RTN4: variants seen among roughly 807,000 people sequenced by gnomAD.
RTN4 encodes the protein reticulon 4.
Under a neutral mutation model 90.4 loss-of-function variants are expected in RTN4, and 32 were observed. That is an observed-to-expected ratio of 0.35 (90% CI 0.27 to 0.48). The LOEUF is 0.48. RTN4 is among the 20% of genes least tolerant of loss of function. The pLI is 0.99. For synonymous variants in RTN4, 629 were observed against 552.5 expected, an observed-to-expected ratio of 1.14 and a Z score of -1.94; for missense variants, 1,706 against 1,430.2, an observed-to-expected ratio of 1.19 and a Z score of -3.11.
intron 1 of RTN4, among the ~76,000 whole-genome samples, chr2:55,099,319 G>T (rs1427287570): frequency 6.6e-6 from 1 of 152,068 alleles, no homozygotes; most frequent in Non-Finnish European, 1.5e-5. Context: ...ACATATTTGA[G>T]ATGTTTCAAT....
At chr2:55,076,317 C>A (rs977926439) in intron 2 of RTN4, among the ~76,000 whole-genome samples, 1 of 147,524 alleles carries the variant, frequency 6.8e-6, no homozygotes, top group African/African-American at 2.5e-5. Flanking sequence ...AAATGGCCAA[C>A]AAACATGAAA....
intron 1 of RTN4, among the ~76,000 whole-genome samples, chr2:55,091,172 G>A (rs1156557716): frequency 5.9e-5 from 9 of 152,198 alleles, no homozygotes; most frequent in East Asian, 3.9e-4. Flanking sequence ...TGTATAAATC[G>A]GACAGTATGG....
intron 1 of RTN4, among the ~76,000 whole-genome samples, chr2:55,098,091 T>A (rs1667780801): frequency 6.6e-6 from 1 of 152,126 alleles, no homozygotes; most frequent in African/African-American, 2.4e-5. Context: ...GCTACGGTAT[T>A]TCTTTGTACT....
intron 2 of RTN4, among the ~76,000 whole-genome samples, chr2:55,074,414 G>A (rs1668565746): frequency 6.6e-6 from 1 of 150,814 alleles, no homozygotes; most frequent in African/African-American, 2.4e-5. Context: ...GAGGCAGGAG[G>A]ACTGCTTGAG....
intron 2 of RTN4, among the ~76,000 whole-genome samples, chr2:55,074,636 T>C (rs1469694900): frequency 1.3e-5 from 2 of 151,626 alleles, no homozygotes; most frequent in East Asian, 3.9e-4. Context: ...GAAAGAAAAC[T>C]GCAGACCAAT....
At chr2:55,081,393 C>T (rs888494784) in intron 1 of RTN4, among the ~76,000 whole-genome samples, 2 of 151,954 alleles carry the variant, frequency 1.3e-5, no homozygotes, top group African/African-American at 2.4e-5. Context: ...CTCTTTTAAG[C>T]TACTACACAC....
intron 3 of RTN4, among the ~76,000 whole-genome samples, chr2:55,021,164 A>T (rs1418107572): frequency 6.6e-6 from 1 of 152,222 alleles, no homozygotes; most frequent in Non-Finnish European, 1.5e-5. Flanking sequence ...CTTTTAAGTC[A>T]TCTGAGAAGA....
At chr2:55,095,347 A>T (rs556480554) in intron 1 of RTN4, among the ~76,000 whole-genome samples, 44 of 152,164 alleles carry the variant, frequency 2.9e-4, no homozygotes, top group Non-Finnish European at 6.2e-4. Context: ...CAGACAAAAA[A>T]ACCCAAATAT....
intron 3 of RTN4, among the ~76,000 whole-genome samples, chr2:54,999,403 T>C (rs17046573): frequency 0.016 from 2,388 of 152,242 alleles, 59 homozygotes; most frequent in African/African-American, 0.055. Flanking sequence ...TCAAATCAAA[T>C]TCTTACATTC....
At chr2:55,028,102 AAC>A in intron 2 of RTN4, 60 bp downstream of exon 2, 1 of 1,399,692 alleles carries the variant, frequency 7.1e-7, no homozygotes, top group Non-Finnish European at 1.0e-6. Flanking sequence ...GCATAGTGTT[AAC>A]ACACTAAAGA....
intron 4 of RTN4, among the ~76,000 whole-genome samples, chr2:54,984,514 T>G (rs1678394783): frequency 6.6e-6 from 1 of 152,238 alleles, no homozygotes; most frequent in Non-Finnish European, 1.5e-5. Context: ...TTCTGCTTCT[T>G]TGTACCACTG....
At chr2:55,062,060 C>G (rs1668305793) in intron 2 of RTN4, among the ~76,000 whole-genome samples, 1 of 145,960 alleles carries the variant, frequency 6.9e-6, no homozygotes, top group Non-Finnish European at 1.5e-5. Flanking sequence ...CAGGCACTGG[C>G]ACGCCGGCAG....
At chr2:55,064,117 G>A (rs916076955) in intron 2 of RTN4, among the ~76,000 whole-genome samples, 4 of 150,840 alleles carry the variant, frequency 2.7e-5, no homozygotes, top group Non-Finnish European at 4.4e-5. Flanking sequence ...AGTGCCTCAG[G>A]AGGCTGAGGC....
upstream of RTN4, among the ~76,000 whole-genome samples, chr2:55,054,442 G>C (rs2104994492): frequency 6.6e-6 from 1 of 152,328 alleles, no homozygotes; most frequent in South Asian, 2.1e-4. Flanking sequence ...TTTTCAGTAA[G>C]AGACCTATTA....
intron 1 of RTN4, among the ~76,000 whole-genome samples, chr2:55,098,807 T>C (rs190127454): frequency 1.4e-4 from 21 of 152,276 alleles, no homozygotes; most frequent in Admixed American, 1.2e-3. Context: ...AGGTCATTTG[T>C]TCCGTAGAGT....
At chr2:55,075,351 A>C (rs1027671094) in intron 2 of RTN4, among the ~76,000 whole-genome samples, 4 of 152,228 alleles carry the variant, frequency 2.6e-5, no homozygotes, top group Non-Finnish European at 4.4e-5. Context: ...AAAACAAAAC[A>C]AAACCTTAGG....
intron 2 of RTN4, among the ~76,000 whole-genome samples, chr2:55,078,237 T>A (rs1053299369): frequency 6.6e-6 from 1 of 152,170 alleles, no homozygotes; most frequent in Non-Finnish European, 1.5e-5. Flanking sequence ...CATATTATTT[T>A]TATTTTTTTA....
intron 4 of RTN4, among the ~76,000 whole-genome samples, chr2:54,987,157 A>G (rs1245122882): frequency 6.6e-6 from 1 of 152,236 alleles, no homozygotes; most frequent in East Asian, 1.9e-4. Context: ...GACAGCATAA[A>G]AAGCAATAAA....
chr2:55,098,233 G>C (rs905378501), intron 1 of RTN4, among the ~76,000 whole-genome samples: 1 of 152,062 alleles, frequency 6.6e-6, no homozygotes, highest in Non-Finnish European at 1.5e-5. Context: ...AAATGTTTGT[G>C]GTCTTGTGGT....
Sources: gnomAD v4.1 joint callset for allele counts (sites outside exome capture counted in the v4.1 genomes callset) on GRCh38, gnomAD v4.1.1 for gene constraint, MANE v1.5 for transcripts, NCBI Gene and HGNC (gene_info 2026-07-23, HGNC 2026-07-21) for gene names.